Variants in CFAP54 observed in about 807,000 individuals in gnomAD.
The protein encoded by CFAP54 is cilia and flagella associated protein 54.
In CFAP54, 290 loss-of-function variants were observed where a neutral mutation model predicts 370.4. That is an observed-to-expected ratio of 0.78 (90% CI 0.71 to 0.86). CFAP54 has a LOEUF of 0.86. CFAP54 is among the 40% of genes least tolerant of loss of function. CFAP54 has a pLI of 0.00. For missense variants in CFAP54, 3,399 were observed against 3,528.7 expected, an observed-to-expected ratio of 0.96 and a Z score of 0.93; for synonymous variants, 1,206 against 1,236.5, an observed-to-expected ratio of 0.98 and a Z score of 0.52.
In CFAP54 at chr12:96,664,789, A is replaced by ATCTATATCTATATC. The variant is rs1565934561; in HGVS notation, c.5563+858_5563+859insCTATATCTATATCT. On this transcript the variant is annotated intron_variant, in intron 39 of 67. Transcript: ENST00000524981. ...TCTATATCTATATCTATATATATAT[A>ATCTATATCTATATC]TATATATATATATATATATATATAG... Among the ~76,000 whole-genome samples, 36 of 17,350 alleles carry ATCTATATCTATATC rather than the reference A, an allele frequency of 2.1e-3. 1 individual carries two copies. The South Asian group carries it at 0.034, about 17-fold the overall frequency. The allele number at this position is 17,350 out of a possible 152,430, so 11.4% of individuals were successfully genotyped here.
In CFAP54 at chr12:96,489,632, C is replaced by T; in HGVS notation, c.23C>T (p.Ser8Leu). ...AATATGGCGGCGCAGGGCTCCCCCT[C>T]GAGCTCTCCGTCAGACGACTCTACC... is the stretch of plus-strand genomic sequence containing the variant. MAAQGSP[S>L]SSPSDDSTTS... Residue 8 changes from serine to leucine, a missense_variant, in exon 1 of 68, where the codon TCG (serine) becomes TTG (leucine). This residue lies in a region of CFAP54 where 559 missense variants were observed against 576.7 expected (regional missense o/e 0.97). Transcript: ENST00000524981. 1 of 1,526,546 alleles carries T rather than the reference C, an allele frequency of 6.6e-7. No homozygotes were observed. Among genetic ancestry groups the T allele is most frequent in the Non-Finnish European group, 8.8e-7 (1 of 1,139,416 alleles). 94.6% of individuals were successfully genotyped at this position (1,526,546 alleles called of 1,614,324 possible).
At chr12:96,713,845 G>A (rs1010975026) in intron 48 of CFAP54, among the ~76,000 whole-genome samples, 2 of 152,118 alleles carry the variant, frequency 1.3e-5, no homozygotes, top group African/African-American at 4.8e-5. Context: ...ACCCTGAGAT[G>A]GGCGTGTGCC....
chr12:96,700,008 C>T lies in CFAP54; in HGVS notation c.6389C>T (p.Ala2130Val), dbSNP rs774295685. ...VLIDLRFFSE[A>V]FYEISQIFYG... is the part of the protein sequence containing the mutation. Reference sequence around the variant, plus strand: ...ATAGATTTGAGATTCTTTTCTGAAGCCTTTTATGAGATATCCCAAATTTTC... The same window carrying T: ...ATAGATTTGAGATTCTTTTCTGAAGTCTTTTATGAGATATCCCAAATTTTC... Residue 2130 changes from alanine (A) to valine (V), a missense_variant, in exon 46 of 68, where the codon GCC becomes GTC. By Grantham distance (64) the Ala-to-Val change is moderately conservative. Coordinates refer to ENST00000524981, the MANE Select transcript of CFAP54 (RefSeq NM_001306084.2). The T allele has an allele frequency of 3.1e-6, 5 of 1,595,182 alleles. No individual in the cohort carries two copies. Among genetic ancestry groups the T allele is most frequent in the Non-Finnish European group, 4.3e-6 (5 of 1,165,142 alleles).
At chr12:96,647,472 CAAAAAAAA>C (rs57089692) in intron 33 of CFAP54, among the ~76,000 whole-genome samples, 523 of 40,790 alleles carry the variant, frequency 0.013, 10 homozygotes, top group African/African-American at 0.046. Context: ...GACTCTGTCC[CAAAAAAAA>C]AAAAAAAAAA....
chr12:96,549,856 G>T (rs1441773362), intron 15 of CFAP54, among the ~76,000 whole-genome samples: 1 of 152,210 alleles, frequency 6.6e-6, no homozygotes, highest in Non-Finnish European at 1.5e-5. Context: ...GGGGAATGGA[G>T]TTGAGGGGAA....
chr12:96,489,633 G>C lies in CFAP54; in HGVS notation c.24G>C (p.Ser8=). 3 of 1,525,946 alleles carry C rather than the reference G, an allele frequency of 2.0e-6. No individual in the cohort carries two copies. Among genetic ancestry groups the C allele is most frequent in the Non-Finnish European group, 2.6e-6 (3 of 1,139,046 alleles). The allele number at this position is 1,525,946 out of a possible 1,614,324, so 94.5% of individuals were successfully genotyped here. MAAQGSP[S]SSPSDDSTTS... ...ATATGGCGGCGCAGGGCTCCCCCTC[G>C]AGCTCTCCGTCAGACGACTCTACCA... The change falls in exon 1 of 68, where the codon TCG becomes TCC. Residue 8 remains serine (S), a synonymous_variant. Transcript: ENST00000524981.
At chr12:96,549,194 C>G (rs918530220) in intron 15 of CFAP54, among the ~76,000 whole-genome samples, 2 of 152,150 alleles carry the variant, frequency 1.3e-5, no homozygotes, top group African/African-American at 4.8e-5. Flanking sequence ...TTGAGAATCA[C>G]TGGCTTATGG....
At position 96,744,786 on chromosome 12, in the gene CFAP54, T is replaced by C. The variant is rs76364511; in HGVS notation, c.7684+640T>C. Among the ~76,000 whole-genome samples the C allele has an allele frequency of 9.7e-3, 1,474 of 152,246 alleles. 57 individuals carry two copies. The East Asian group carries it at 0.1, about 11-fold the overall frequency. On this transcript the variant is annotated intron_variant, in intron 55 of 67. Transcript: ENST00000524981. ...ATAGGTAAATGTGTGCCATGATGGT[T>C]TCCTGCACAGATCATCCTATCTAAG...
chr12:96,834,231 G>A (rs919480614), intron 66 of CFAP54, among the ~76,000 whole-genome samples: 1 of 152,240 alleles, frequency 6.6e-6, no homozygotes, highest in Non-Finnish European at 1.5e-5. Context: ...ACAGTCATGG[G>A]AGGGTGTTAG....
chr12:96,856,741 C>CT (rs1191910466), intron 66 of CFAP54, among the ~76,000 whole-genome samples: 2 of 152,208 alleles, frequency 1.3e-5, no homozygotes, highest in Non-Finnish European at 2.9e-5. Flanking sequence ...AAGTTCCTAA[C>CT]TTTTCCATAT....
chr12:96,590,708 A>G (rs1403649095), intron 23 of CFAP54, among the ~76,000 whole-genome samples: 2 of 152,234 alleles, frequency 1.3e-5, no homozygotes, highest in South Asian at 2.1e-4. Flanking sequence ...GAAAGGAGTG[A>G]AAAGTGACTG....
chr12:96,595,046 G>T (rs892380537), intron 25 of CFAP54, among the ~76,000 whole-genome samples: 1 of 152,156 alleles, frequency 6.6e-6, no homozygotes, highest in African/African-American at 2.4e-5. Flanking sequence ...TGAAATCAAA[G>T]TCTTGGCCAG....
At chr12:96,757,112 T>C (rs973456834) in intron 57 of CFAP54, among the ~76,000 whole-genome samples, 1 of 152,222 alleles carries the variant, frequency 6.6e-6, no homozygotes, top group African/African-American at 2.4e-5. Flanking sequence ...TTTCTTTCTA[T>C]TTTAATTAGT....
intron 62 of CFAP54, among the ~76,000 whole-genome samples, chr12:96,791,214 T>C (rs538225086): frequency 5.4e-4 from 81 of 149,832 alleles, no homozygotes; most frequent in African/African-American, 2.0e-3. Flanking sequence ...AGACGGAGTC[T>C]CACTCTGTTG....
Position 96,539,427 on chromosome 12 carries a change from C to A in CFAP54, c.1926+909C>A, listed in dbSNP as rs370076351. ...AGGGGCTGACACCTGTAATCCCAGACCTTTGGGAGGCTGAGGCAGGTGGAT... is the reference window on the plus strand; with the variant it reads ...AGGGGCTGACACCTGTAATCCCAGAACTTTGGGAGGCTGAGGCAGGTGGAT... On this transcript the variant is annotated intron_variant, in intron 13 of 67. Coordinates refer to ENST00000524981, the MANE Select transcript of CFAP54 (RefSeq NM_001306084.2). 1.5e-4 allele frequency among the ~76,000 whole-genome samples: 23 copies of A among 151,934 alleles called. No homozygotes were observed. The East Asian group carries it at 3.5e-3, about 23-fold the overall frequency.
intron 29 of CFAP54, 37 bp downstream of exon 29, chr12:96,625,844 T>C (rs929061110): frequency 3.1e-5 from 42 of 1,369,052 alleles, no homozygotes; most frequent in Non-Finnish European, 4.0e-5. Flanking sequence ...GTTCACTCGA[T>C]TTATCACTGA....
At chr12:96,873,048 A>G (rs1960207598) in intron 67 of CFAP54, among the ~76,000 whole-genome samples, 1 of 152,240 alleles carries the variant, frequency 6.6e-6, no homozygotes, top group Admixed American at 6.5e-5. Context: ...CTCAAACATT[A>G]AGTAAAATTA....
intron 19 of CFAP54, among the ~76,000 whole-genome samples, chr12:96,569,818 G>C (rs1248497878): frequency 6.6e-6 from 1 of 152,026 alleles, no homozygotes; most frequent in African/African-American, 2.4e-5. Flanking sequence ...AATACTTCCT[G>C]AATTTATTTC....
At chr12:96,618,110 C>G (rs943063299) in intron 26 of CFAP54, among the ~76,000 whole-genome samples, 1 of 152,032 alleles carries the variant, frequency 6.6e-6, no homozygotes, top group Non-Finnish European at 1.5e-5. Flanking sequence ...AGGTTACACT[C>G]TCTTTCCAGG....
Sources: allele counts gnomAD v4.1 joint callset (sites outside exome capture counted in the v4.1 genomes callset), GRCh38; gene constraint gnomAD v4.1.1; regional missense constraint gnomAD v4.1.1; transcripts MANE v1.5; gene names NCBI Gene and HGNC (gene_info 2026-07-23, HGNC 2026-07-21).